Variants in ZDHHC6 observed in about 807,000 individuals in gnomAD.
ZDHHC6 encodes zDHHC palmitoyltransferase 6, also known as palmitoyltransferase ZDHHC6.
Under a neutral mutation model 57.8 loss-of-function variants are expected in ZDHHC6, and 32 were observed. That is an observed-to-expected ratio of 0.55 (90% confidence interval 0.42 to 0.74). The LOEUF (loss-of-function observed/expected upper bound fraction) is 0.74, where lower values mean the gene tolerates loss of function less well. Ranked by LOEUF, ZDHHC6 falls within the 30% of genes least tolerant of loss-of-function variation. The pLI, the probability that ZDHHC6 is intolerant of heterozygous loss-of-function variation, is 0.00. For missense variants in ZDHHC6, 433 were observed against 500.7 expected (o/e 0.86, Z 1.29); for synonymous variants, 128 against 158.0 (o/e 0.81, Z 1.42).
chr10:112,447,193 T>TC (rs1846860035), upstream of ZDHHC6: 3 of 589,520 alleles, frequency 5.1e-6, no homozygotes, highest in Non-Finnish European at 5.9e-6. Context: ...CAACCCAATT[T>TC]CCGGAGAACC....
intron 5 of ZDHHC6, among the ~76,000 whole-genome samples, chr10:112,439,703 G>C (rs2133877449): frequency 7.4e-6 from 1 of 135,808 alleles, no homozygotes; most frequent in African/African-American, 2.8e-5. Context: ...TCCCTTCAGA[G>C]CCAGGTCCTC....
In ZDHHC6 at chr10:112,430,704, A is replaced by G. The variant is rs1043863234; in HGVS notation, c.*100T>C. ...CACTAGGGCACCTTTGAGGAAAAGA[A>G]CATCTTAACCAGAGTAGGCTCATTG... On this transcript the variant is annotated 3_prime_UTR_variant, in exon 11 of 11. Coordinates refer to ENST00000369405, the MANE Select transcript of ZDHHC6 (RefSeq NM_022494.3). 1 of 997,648 alleles carries G rather than the reference A, an allele frequency of 1.0e-6. No homozygotes were observed. Among genetic ancestry groups the G allele is most frequent in the Admixed American group, 2.9e-5 (1 of 34,764 alleles). The allele number at this position is 997,648 out of a possible 1,614,324, so 61.8% of individuals were successfully genotyped here. A position where few individuals can be genotyped will look rare whatever the true frequency, so the allele number is the denominator to read the frequency against.
chr10:112,444,279 C>G (rs1846429409), intron 2 of ZDHHC6, among the ~76,000 whole-genome samples: 1 of 152,188 alleles, frequency 6.6e-6, no homozygotes, highest in African/African-American at 2.4e-5. Context: ...TCCCACCATT[C>G]TTTCAACCTG....
At chr10:112,427,205 G>A, downstream of ZDHHC6, 1 of 1,607,092 alleles carries the variant, frequency 6.2e-7, no homozygotes, top group Non-Finnish European at 8.5e-7. Context: ...ATGTGTGTGT[G>A]TTCATCTTCC....
intron 6 of ZDHHC6, among the ~76,000 whole-genome samples, chr10:112,436,533 A>C (rs944043317): frequency 6.6e-6 from 1 of 152,262 alleles, no homozygotes; most frequent in Non-Finnish European, 1.5e-5. Flanking sequence ...TAAGAAGCTC[A>C]GACTTCAACC....
chr10:112,426,896 C>T, downstream of ZDHHC6: 1 of 1,515,968 alleles, frequency 6.6e-7, no homozygotes, highest in Non-Finnish European at 9.1e-7. Flanking sequence ...GGCCTCTTGT[C>T]AGAAAGTTTT....
At position 112,438,350 on chromosome 10, in the gene ZDHHC6, A is replaced by G. The variant is rs1009490146; in HGVS notation, c.721T>C (p.Trp241Arg). ...TTAAAATTTACCTTCTCTTCAATCC[A>G]TGACTCAATAGAAGTTTTGTTTCTG... ...ILRNKTSIES[W>R]IEEKAKDRIQ... The change falls in exon 6 of 11, where the codon TGG (tryptophan) becomes CGG (arginine). Residue 241 changes from tryptophan (W) to arginine (R), a missense_variant. Trp to Arg is a moderately radical substitution (Grantham distance 101). Coordinates refer to ENST00000369405, the MANE Select transcript of ZDHHC6 (RefSeq NM_022494.3). 62 of 1,368,154 alleles carry G rather than the reference A, an allele frequency of 4.5e-5. No homozygotes were observed. The highest frequency in any genetic ancestry group is 5.9e-5 in the Non-Finnish European group (61 of 1,028,612). 84.8% of individuals were successfully genotyped at this position (1,368,154 alleles called of 1,614,324 possible).
intron 7 of ZDHHC6, 82 bp downstream of exon 7, chr10:112,434,215 C>A (rs1159180318): frequency 2.9e-6 from 4 of 1,371,486 alleles, no homozygotes; most frequent in East Asian, 2.4e-5. Context: ...TATTTTACTA[C>A]AAAATGTCAC....
chr10:112,425,000 C>G (rs1471365853), exon 12 of ZDHHC6: 2 of 173,732 alleles, frequency 1.2e-5, no homozygotes, highest in African/African-American at 4.7e-5. Flanking sequence ...TCTGAGAGTT[C>G]TGAAAATGAA....
chr10:112,428,454 C>A, downstream of ZDHHC6: 1 of 398,574 alleles, frequency 2.5e-6, no homozygotes, highest in Non-Finnish European at 4.4e-6. Flanking sequence ...AAATCAAGTA[C>A]AGTATCTGTT....
In ZDHHC6 at chr10:112,445,162, T is replaced by A; in HGVS notation, c.267+8A>T. On this transcript the variant is annotated splice_region_variant and intron_variant, in intron 2 of 10. Coordinates refer to ENST00000369405, the MANE Select transcript of ZDHHC6 (RefSeq NM_022494.3). ...TTAAAGTTCATTGTCTTACAGAATCTTTCTTACCGGTTTCCACCCCAGAGG... is the reference window on the plus strand; with the variant it reads ...TTAAAGTTCATTGTCTTACAGAATCATTCTTACCGGTTTCCACCCCAGAGG... The A allele has an allele frequency of 6.2e-7, 1 of 1,608,654 alleles. No individual in the cohort carries two copies. Among genetic ancestry groups the A allele is most frequent in the Non-Finnish European group, 8.5e-7 (1 of 1,176,174 alleles).
At chr10:112,438,134 C>T (rs1845725669) in intron 6 of ZDHHC6, among the ~76,000 whole-genome samples, 1 of 152,140 alleles carries the variant, frequency 6.6e-6, no homozygotes, top group African/African-American at 2.4e-5. Flanking sequence ...GTGGGAGTTA[C>T]AGAATGAACA....
chr10:112,446,646 C>T (rs1426554093), intron 1 of ZDHHC6, 59 bp downstream of exon 1: 1 of 152,636 alleles, frequency 6.6e-6, no homozygotes, highest in Non-Finnish European at 1.5e-5. Flanking sequence ...AGCCTGCTCC[C>T]ACTCTGGTGG....
At chr10:112,437,258 A>G (rs895058227) in intron 6 of ZDHHC6, among the ~76,000 whole-genome samples, 3 of 152,210 alleles carry the variant, frequency 2.0e-5, no homozygotes, top group African/African-American at 7.2e-5. Context: ...GGGATATTGT[A>G]TAATGAAAGG....
Position 112,434,258 on chromosome 10 carries a change from G to A in ZDHHC6, c.903+39C>T, listed in dbSNP as rs748045131. On this transcript the variant is annotated intron_variant, in intron 7 of 10. Coordinates refer to ENST00000369405, the MANE Select transcript of ZDHHC6 (RefSeq NM_022494.3). ...GAGGGGGAGTTAAGGGAAAGAAGGC[G>A]AGGCAAAAAGGAAGGGCTATTTGAA... 28 of 1,492,302 alleles carry A rather than the reference G, an allele frequency of 1.9e-5. No individual in the cohort carries two copies. The Admixed American group carries it at 3.7e-4, about 20-fold the overall frequency. The allele number at this position is 1,492,302 out of a possible 1,614,324, so 92.4% of individuals were successfully genotyped here.
intron 3 of ZDHHC6, among the ~76,000 whole-genome samples, chr10:112,443,100 A>G (rs1846291081): frequency 6.6e-6 from 1 of 152,208 alleles, no homozygotes; most frequent in Admixed American, 6.5e-5. Context: ...AGATGTGTAT[A>G]AAGTGTAAAT....
intron 6 of ZDHHC6, among the ~76,000 whole-genome samples, chr10:112,437,042 T>G (rs1845607177): frequency 1.3e-5 from 2 of 152,112 alleles, no homozygotes; most frequent in South Asian, 4.1e-4. Context: ...TTGGTGAACA[T>G]TTTCTCAAAA....
chr10:112,441,995 C>A (rs1846161854), intron 4 of ZDHHC6, among the ~76,000 whole-genome samples, 197 bp downstream of exon 4: 1 of 152,002 alleles, frequency 6.6e-6, no homozygotes, highest in Admixed American at 6.5e-5. Context: ...GTTTTCAGAA[C>A]AAATACTCTT....
downstream of ZDHHC6, chr10:112,430,225 G>A (rs906785539): frequency 6.6e-6 from 1 of 152,308 alleles, no homozygotes; most frequent in Non-Finnish European, 1.5e-5. Context: ...CAGGGCAGCA[G>A]AGCAGTTTTT....
Sources: gnomAD v4.1 joint callset for allele counts (sites outside exome capture counted in the v4.1 genomes callset) on GRCh38, gnomAD v4.1.1 for gene constraint, MANE v1.5 for transcripts, NCBI Gene and HGNC (gene_info 2026-07-23, HGNC 2026-07-21) for gene names.